Variants in MBD5 observed in about 807,000 individuals in gnomAD.
MBD5 encodes methyl-CpG-binding domain protein 5.
Under a neutral mutation model 117.3 loss-of-function variants are expected in MBD5, and 13 were observed. The observed-to-expected ratio is 0.11, with a 90% CI of 0.07 to 0.18. The LOEUF (loss-of-function observed/expected upper bound fraction) is 0.18. Ranked by LOEUF, MBD5 falls within the 10% of genes least tolerant of loss-of-function variation. MBD5 has a pLI of 1.00. For missense variants in MBD5, 1,879 were observed against 2,093.8 expected, an observed-to-expected ratio of 0.90 and a Z score of 2.00; for synonymous variants, 727 against 766.4, an observed-to-expected ratio of 0.95 and a Z score of 0.85.
At chr2:148,451,990 C>G (rs937538712) in intron 4 of MBD5, among the ~76,000 whole-genome samples, 12 of 152,086 alleles carry the variant, frequency 7.9e-5, no homozygotes, top group African/African-American at 2.7e-4. Context: ...ATCCACTGAG[C>G]ACAAGATCAT....
chr2:148,135,223 G>A (rs986600247), intron 1 of MBD5, among the ~76,000 whole-genome samples: 1 of 152,174 alleles, frequency 6.6e-6, no homozygotes, highest in African/African-American at 2.4e-5. Flanking sequence ...TGTATGACTT[G>A]TTTTGATTAA....
intron 2 of MBD5, among the ~76,000 whole-genome samples, chr2:148,194,543 A>G (rs1468059005): frequency 2.3e-5 from 2 of 87,698 alleles, no homozygotes; most frequent in Admixed American, 2.8e-4. Flanking sequence ...TCTCACTCAT[A>G]GGTGGGAACT....
chr2:148,037,157 G>A (rs1484075608), intron 1 of MBD5, among the ~76,000 whole-genome samples: 1 of 151,828 alleles, frequency 6.6e-6, no homozygotes, highest in Non-Finnish European at 1.5e-5. Context: ...AACACTTAAT[G>A]GAGATTTTTA....
chr2:148,328,602 T>G (rs1378577360), intron 3 of MBD5, among the ~76,000 whole-genome samples: 1 of 152,206 alleles, frequency 6.6e-6, no homozygotes, highest in African/African-American at 2.4e-5. Context: ...TGACCCAATT[T>G]TCCAGGTGCC....
At chr2:148,126,422 A>G (rs1448314729) in intron 1 of MBD5, among the ~76,000 whole-genome samples, 2 of 151,848 alleles carry the variant, frequency 1.3e-5, no homozygotes, top group East Asian at 1.9e-4. Context: ...AAAAAAAAAA[A>G]AAAGTAGGTG....
In MBD5 at chr2:148,378,850, C is replaced by A. The variant is rs573663333; in HGVS notation, c.-557+36514C>A. Among the ~76,000 whole-genome samples, 6 of 152,090 alleles carry A rather than the reference C, an allele frequency of 3.9e-5. No individual in the cohort carries two copies. In the South Asian group the frequency reaches 8.3e-4, roughly 21 times the overall value. On this transcript the variant is annotated intron_variant, in intron 4 of 13. Coordinates refer to ENST00000642680, the MANE Select transcript of MBD5 (RefSeq NM_001378120.1). ...TTACAAATGTATAGTTATTGGCTTT[C>A]CATTGACCAGTTTGGAAAGTAACAA...
At chr2:148,379,596 G>A (rs1459962561) in intron 4 of MBD5, among the ~76,000 whole-genome samples, 1 of 152,042 alleles carries the variant, frequency 6.6e-6, no homozygotes, top group African/African-American at 2.4e-5. Flanking sequence ...GAAAAAATTG[G>A]CAAATGTGAG....
chr2:148,347,795 A>G (rs1703157643), intron 4 of MBD5, among the ~76,000 whole-genome samples: 1 of 151,964 alleles, frequency 6.6e-6, no homozygotes. Context: ...AAGTTGCAAA[A>G]TATGATTTTT....
At chr2:148,220,129 G>T (rs1156417770) in intron 2 of MBD5, 3 of 151,990 alleles carry the variant, frequency 2.0e-5, no homozygotes, top group African/African-American at 7.3e-5. Context: ...CAGACCAGGT[G>T]TTTTTTCCTG....
intron 3 of MBD5, among the ~76,000 whole-genome samples, chr2:148,244,819 G>C (rs1419807177): frequency 6.6e-6 from 1 of 152,148 alleles, no homozygotes; most frequent in Non-Finnish European, 1.5e-5. Flanking sequence ...GTGTGCTTGA[G>C]ATGTAGGGAG....
intron 2 of MBD5, among the ~76,000 whole-genome samples, chr2:148,221,977 G>A (rs925713832): frequency 2.0e-5 from 3 of 152,038 alleles, no homozygotes; most frequent in African/African-American, 7.2e-5. Flanking sequence ...TTGTGCATAT[G>A]GATATTCATT....
At chr2:148,404,257 C>T (rs533985545) in intron 4 of MBD5, among the ~76,000 whole-genome samples, 3 of 152,106 alleles carry the variant, frequency 2.0e-5, no homozygotes, top group Non-Finnish European at 4.4e-5. Context: ...CTTTAAGACT[C>T]ATTAAGTGTT....
At chr2:148,499,636 A>G (rs1300974364) in intron 11 of MBD5, among the ~76,000 whole-genome samples, 1 of 152,208 alleles carries the variant, frequency 6.6e-6, no homozygotes, top group Non-Finnish European at 1.5e-5. Context: ...AAGTTTTATA[A>G]AAATATTTGT....
At chr2:148,445,685 A>T (rs996190000) in intron 4 of MBD5, among the ~76,000 whole-genome samples, 4 of 151,300 alleles carry the variant, frequency 2.6e-5, no homozygotes, top group African/African-American at 4.9e-5. Flanking sequence ...TGGTATTTCT[A>T]GTTCTAGATC....
intron 12 of MBD5, among the ~76,000 whole-genome samples, chr2:148,508,934 G>A (rs887953817): frequency 4.6e-5 from 7 of 152,198 alleles, no homozygotes; most frequent in Non-Finnish European, 4.4e-5. Context: ...GCATTGTCCA[G>A]TCCTGGTGTG....
chr2:148,288,828 G>A (rs1295159946), intron 3 of MBD5, among the ~76,000 whole-genome samples: 1 of 152,050 alleles, frequency 6.6e-6, no homozygotes, highest in African/African-American at 2.4e-5. Context: ...TTTTTTAAAG[G>A]CTGATGCTTA....
intron 8 of MBD5, among the ~76,000 whole-genome samples, chr2:148,481,560 TTAAAA>T (rs1366459163): frequency 1.3e-5 from 2 of 152,196 alleles, no homozygotes; most frequent in African/African-American, 4.8e-5. Context: ...ATGTGTATTC[TTAAAA>T]TAATAAAATA....
Position 148,492,187 on chromosome 2 carries a change from C to T in MBD5, c.4962+1593C>T, listed in dbSNP as rs577568546. On this transcript the variant is annotated intron_variant, in intron 11 of 13. Transcript: ENST00000642680. ...GGAGATGTACTTTAAAAAAAAAAAACGAAGAGAAAAATATTTTTCTTCACT... is the reference window on the plus strand; with the variant it reads ...GGAGATGTACTTTAAAAAAAAAAAATGAAGAGAAAAATATTTTTCTTCACT... Among the ~76,000 whole-genome samples, 43 of 150,012 alleles carry T rather than the reference C, an allele frequency of 2.9e-4. No homozygotes were observed. In the South Asian group the frequency reaches 2.9e-3, roughly 10 times the overall value.
chr2:148,120,559 T>C (rs1013312004), intron 1 of MBD5, among the ~76,000 whole-genome samples: 4 of 152,194 alleles, frequency 2.6e-5, no homozygotes, highest in Non-Finnish European at 5.9e-5. Context: ...AATGGAATTA[T>C]TTTCTTAACT....
Sources: allele counts gnomAD v4.1 joint callset (sites outside exome capture counted in the v4.1 genomes callset), GRCh38; gene constraint gnomAD v4.1.1; transcripts MANE v1.5; gene names NCBI Gene and HGNC (gene_info 2026-07-23, HGNC 2026-07-21).